TSHZ2: variants seen among roughly 807,000 people sequenced by gnomAD.
The protein encoded by TSHZ2 is teashirt zinc finger homeobox 2, also known as teashirt homolog 2.
TSHZ2 carries 21 observed loss-of-function variants against 74.4 expected under a neutral mutation model. The observed-to-expected ratio is 0.28, with a 90% CI of 0.20 to 0.41. The LOEUF (loss-of-function observed/expected upper bound fraction) is 0.41, where lower values mean the gene tolerates loss of function less well. TSHZ2 is among the 10% of genes least tolerant of loss of function. The probability of loss-of-function intolerance (pLI) is 1.00; values close to 1 mark genes in which losing one functional copy is unlikely to be tolerated. For missense variants in TSHZ2, 1,244 were observed against 1,293.5 expected (o/e 0.96, Z 0.59); for synonymous variants, 540 against 515.3 (o/e 1.05, Z -0.65).
Position 53,131,156 on chromosome 20 carries a change from TTTG to T in TSHZ2, c.41-122340_41-122338del, listed in dbSNP as rs536614906. 1.6e-4 allele frequency among the ~76,000 whole-genome samples: 25 copies of T among 152,310 alleles called. 1 individual carries two copies. The South Asian group carries it at 5.0e-3, about 30-fold the overall frequency. ...CATCAAATGGAGAACTCCTGAACGTTTTGTTATGTGTTTTGTTTTTTTGTGAAA... is the reference window on the plus strand; with the variant it reads ...CATCAAATGGAGAACTCCTGAACGTTTTATGTGTTTTGTTTTTTTGTGAAA... On this transcript the variant is annotated intron_variant, in intron 1 of 2. Coordinates refer to ENST00000371497, the MANE Select transcript of TSHZ2 (RefSeq NM_173485.6).
chr20:53,190,049 T>A (rs111888135), intron 1 of TSHZ2, among the ~76,000 whole-genome samples: 3,868 of 127,090 alleles, frequency 0.03, 224 homozygotes, highest in African/African-American at 0.11. Flanking sequence ...CATGCCACTG[T>A]ACTCCAGCCT....
At chr20:53,247,765 G>T (rs573974386) in intron 1 of TSHZ2, among the ~76,000 whole-genome samples, 2 of 152,158 alleles carry the variant, frequency 1.3e-5, no homozygotes, top group Admixed American at 6.5e-5. Flanking sequence ...GTCACCATCG[G>T]ATATGTTTTT....
At chr20:53,470,873 CA>C (rs1217708529) in intron 2 of TSHZ2, among the ~76,000 whole-genome samples, 1 of 152,030 alleles carries the variant, frequency 6.6e-6, no homozygotes. Flanking sequence ...TTCAACCAAA[CA>C]GCTTTAAGAA....
chr20:53,020,094 C>T (rs1047572480), intron 1 of TSHZ2, among the ~76,000 whole-genome samples: 8 of 152,064 alleles, frequency 5.3e-5, no homozygotes, highest in East Asian at 1.9e-4. Flanking sequence ...TGAGAACCCC[C>T]GCACTACCAT....
intron 1 of TSHZ2, among the ~76,000 whole-genome samples, chr20:53,165,903 C>G (rs180845348): frequency 3.9e-5 from 6 of 152,342 alleles, no homozygotes; most frequent in Admixed American, 3.9e-4. Flanking sequence ...CACTGAGCTC[C>G]TTTCTGATGG....
At chr20:53,393,868 TGAAA>T (rs1297919407) in intron 2 of TSHZ2, among the ~76,000 whole-genome samples, 2 of 152,290 alleles carry the variant, frequency 1.3e-5, no homozygotes, top group South Asian at 4.2e-4. Context: ...TTATTTCAAA[TGAAA>T]GAGTTTTTAA....
At chr20:53,001,205 CGTGTGTGTGTGT>C (rs558621179) in intron 1 of TSHZ2, among the ~76,000 whole-genome samples, 113 of 94,262 alleles carry the variant, frequency 1.2e-3, no homozygotes, top group East Asian at 6.7e-3. Flanking sequence ...CGTTCATGTG[CGTGTGTGTGTGT>C]GTGTGTGTGT....
chr20:53,013,818 C>A (rs1982938215), intron 1 of TSHZ2, among the ~76,000 whole-genome samples: 1 of 152,196 alleles, frequency 6.6e-6, no homozygotes, highest in Admixed American at 6.5e-5. Context: ...AAAAAATCTT[C>A]TTTCCTTTGC....
At position 53,074,774 on chromosome 20, in the gene TSHZ2, A is replaced by T. The variant is rs961332033; in HGVS notation, c.40+101441A>T. Among the ~76,000 whole-genome samples, 1 of 152,198 alleles carries T rather than the reference A, an allele frequency of 6.6e-6. No individual in the cohort carries two copies. Among genetic ancestry groups the T allele is most frequent in the Non-Finnish European group, 1.5e-5 (1 of 68,036 alleles). ...CTGTGCCAGGGAAGGTGCTGAAGGAACTAGCATGTGTATTACTCGTTTTTC... is the reference window on the plus strand; with the variant it reads ...CTGTGCCAGGGAAGGTGCTGAAGGATCTAGCATGTGTATTACTCGTTTTTC... On this transcript the variant is annotated intron_variant, in intron 1 of 2. Coordinates refer to ENST00000371497, the MANE Select transcript of TSHZ2 (RefSeq NM_173485.6). The surrounding 1 kb of genome is among the most constrained non-coding windows in gnomAD (Gnocchi z 5.9).
At chr20:53,248,190 C>A (rs1733129733) in intron 1 of TSHZ2, among the ~76,000 whole-genome samples, 1 of 152,110 alleles carries the variant, frequency 6.6e-6, no homozygotes, top group Non-Finnish European at 1.5e-5. Flanking sequence ...CCCACCACAG[C>A]CACCCAAGTA....
chr20:53,365,775 C>G (rs1432712596), intron 2 of TSHZ2, among the ~76,000 whole-genome samples: 1 of 152,220 alleles, frequency 6.6e-6, no homozygotes, highest in East Asian at 1.9e-4. Context: ...CTTGGTCTCT[C>G]TTCTGGAAAA....
chr20:53,451,631 T>TG (rs2145783918), intron 2 of TSHZ2, among the ~76,000 whole-genome samples: 1 of 152,360 alleles, frequency 6.6e-6, no homozygotes, highest in Admixed American at 6.5e-5. Flanking sequence ...AAGCCTGTCA[T>TG]GACACTGTCT....
At chr20:53,140,331 G>T (rs1333718418) in intron 1 of TSHZ2, among the ~76,000 whole-genome samples, 1 of 151,948 alleles carries the variant, frequency 6.6e-6, no homozygotes, top group East Asian at 1.9e-4. Context: ...ACGAGGTCAG[G>T]AGATCGGGAC....
Position 53,255,444 on chromosome 20 carries a change from C to T in TSHZ2, c.1986C>T (p.Ser662=), listed in dbSNP as rs138935171. The change falls in exon 2 of 3, where the codon AGC becomes AGT. Residue 662 remains serine (S), a synonymous_variant. Coordinates refer to ENST00000371497, the MANE Select transcript of TSHZ2 (RefSeq NM_173485.6). The surrounding 1 kb of genome is among the most constrained non-coding windows in gnomAD (Gnocchi z 4.1). ...KEEEKLMKEG[S]EKEKPQPLEP... Reference sequence around the variant, plus strand: ...AGGAGAAGCTGATGAAAGAGGGCAGCGAGAAGGAGAAACCCCAGCCCCTGG... The same window carrying T: ...AGGAGAAGCTGATGAAAGAGGGCAGTGAGAAGGAGAAACCCCAGCCCCTGG... The T allele has an allele frequency of 1.8e-4, 298 of 1,611,408 alleles. 1 individual carries two copies. In the East Asian group the frequency reaches 4.5e-3, roughly 25 times the overall value.
chr20:53,045,754 T>C (rs1022598), intron 1 of TSHZ2, among the ~76,000 whole-genome samples: 115,804 of 152,086 alleles, frequency 0.76, 45,127 homozygotes, highest in East Asian at 0.96. Context: ...TGGGTAGTAA[T>C]CCCGGAGGGA....
intron 2 of TSHZ2, among the ~76,000 whole-genome samples, chr20:53,309,851 A>T (rs991873594): frequency 6.6e-6 from 1 of 152,198 alleles, no homozygotes; most frequent in East Asian, 1.9e-4. Flanking sequence ...GCTCTGTGTA[A>T]CATGAATCCC....
intron 2 of TSHZ2, among the ~76,000 whole-genome samples, chr20:53,376,416 C>T (rs557417918): frequency 1.3e-5 from 2 of 152,340 alleles, no homozygotes; most frequent in East Asian, 1.9e-4. Flanking sequence ...CCACTTGTTA[C>T]TGCTAGGATC....
chr20:53,121,137 C>T (rs1986798623), intron 1 of TSHZ2, among the ~76,000 whole-genome samples: 2 of 152,128 alleles, frequency 1.3e-5, no homozygotes, highest in South Asian at 4.1e-4. Context: ...ATGCTTCAGA[C>T]AGACAAAATC....
intron 1 of TSHZ2, among the ~76,000 whole-genome samples, chr20:53,176,972 A>C (rs1166009883): frequency 6.6e-6 from 1 of 152,198 alleles, no homozygotes; most frequent in Non-Finnish European, 1.5e-5. Flanking sequence ...GGCACGAGCC[A>C]TCGCACCCAG....
Sources: allele counts gnomAD v4.1 joint callset (sites outside exome capture counted in the v4.1 genomes callset), GRCh38; gene constraint gnomAD v4.1.1; non-coding constraint Gnocchi (gnomAD v3.1); transcripts MANE v1.5; gene names NCBI Gene and HGNC (gene_info 2026-07-23, HGNC 2026-07-21).